The following RPS23 variants were observed in gnomAD, a reference collection of about 807,000 sequenced individuals.
The protein encoded by RPS23 is ribosomal protein S23.
For synonymous variants in RPS23, 66 were observed against 60.4 expected (o/e 1.09, Z -0.43); for missense variants, 73 against 174.5 (o/e 0.42, Z 3.28).
chr5:82,273,864 AAC>A lies in RPS23; in HGVS notation c.*2243_*2244del, dbSNP rs1437710521. On this transcript the variant is annotated 3_prime_UTR_variant, in exon 4 of 4. Transcript: ENST00000296674. The stretch of plus-strand genomic sequence containing the variant: ...AGGCATGAACCACAGCGCCCAGCTT[AAC>A]AGGATTTTTCAGAGAGAAAAAGTTT... 1 of 152,212 alleles carries A rather than the reference AAC, an allele frequency of 6.6e-6. No homozygotes were observed. Among genetic ancestry groups the A allele is most frequent in the Non-Finnish European group, 1.5e-5 (1 of 68,040 alleles). 9.4% of individuals were successfully genotyped at this position (152,212 alleles called of 1,614,324 possible).
In RPS23 at chr5:82,277,678, G is replaced by A. The variant is rs781454235; in HGVS notation, c.164+15C>T. 1 of 1,612,742 alleles carries A rather than the reference G, an allele frequency of 6.2e-7. No homozygotes were observed. The highest frequency in any genetic ancestry group is 8.5e-7 in the Non-Finnish European group (1 of 1,179,200). On this transcript the variant is annotated intron_variant, in intron 2 of 3. Coordinates refer to ENST00000296674, the MANE Select transcript of RPS23 (RefSeq NM_001025.5). ...CCTATAATAAACTAAAACTTGACGG[G>A]AGCAATGGACTTACACTTTTTCCAG... is the stretch of plus-strand genomic sequence containing the variant.
intron 1 of RPS23, 144 bp downstream of exon 1, chr5:82,278,176 G>A: frequency 1.2e-6 from 1 of 837,786 alleles, no homozygotes; most frequent in Non-Finnish European, 1.9e-6. Context: ...CGGACCACGT[G>A]CCTCCTGGAG....
rs376352816 is a variant in RPS23, at chr5:82,277,864, A to G, written c.5-12T>C. 10 of 1,610,044 alleles carry G rather than the reference A, an allele frequency of 6.2e-6. No homozygotes were observed. In the East Asian group the frequency reaches 6.7e-5, roughly 11 times the overall value. ...TCCACGACACTTGCCTAAAAATTAA[A>G]TATTTTAGTTCTTCCGTAAAAACAC... is the stretch of plus-strand genomic sequence containing the variant. On this transcript the variant is annotated splice_polypyrimidine_tract_variant and intron_variant, in intron 1 of 3. Coordinates refer to ENST00000296674, the MANE Select transcript of RPS23 (RefSeq NM_001025.5).
rs937898772 is a variant in RPS23 at position 82,273,748 on chromosome 5, T to A, written c.*2361A>T. ...GAAGGTCTCTCTCTTCCCTCAAGAGTGTATGACTTTGCTGCCCAGGATGAT... is the reference window on the plus strand; with the variant it reads ...GAAGGTCTCTCTCTTCCCTCAAGAGAGTATGACTTTGCTGCCCAGGATGAT... On this transcript the variant is annotated 3_prime_UTR_variant, in exon 4 of 4. Coordinates refer to ENST00000296674, the MANE Select transcript of RPS23 (RefSeq NM_001025.5). 2 of 151,910 alleles carry A rather than the reference T, an allele frequency of 1.3e-5. No individual in the cohort carries two copies. Among genetic ancestry groups the A allele is most frequent in the South Asian group, 4.2e-4 (2 of 4,806 alleles). The allele number at this position is 151,910 out of a possible 1,614,324, so 9.4% of individuals were successfully genotyped here.
Position 82,275,279 on chromosome 5 carries a change from C to A in RPS23, c.*830G>T, listed in dbSNP as rs1182860895. 1 of 702,522 alleles carries A rather than the reference C, an allele frequency of 1.4e-6. No homozygotes were observed. Among genetic ancestry groups the A allele is most frequent in the Non-Finnish European group, 2.6e-6 (1 of 385,014 alleles). 43.5% of individuals were successfully genotyped at this position (702,522 alleles called of 1,614,324 possible). The stretch of plus-strand genomic sequence containing the variant: ...TCACAGCTTCATTTCAACCATGCCA[C>A]TGTATCCATGAAAACTCTGAAACAA... On this transcript the variant is annotated 3_prime_UTR_variant, in exon 4 of 4. Coordinates refer to ENST00000296674, the MANE Select transcript of RPS23 (RefSeq NM_001025.5).
intron 2 of RPS23, 66 bp downstream of exon 2, chr5:82,277,627 G>T (rs1398321372): frequency 1.3e-6 from 2 of 1,499,552 alleles, no homozygotes; most frequent in South Asian, 2.3e-5. Flanking sequence ...TTCAAAACAA[G>T]AATTCGTAAG....
At position 82,277,877 on chromosome 5, in the gene RPS23, T is replaced by TC. The variant is rs755322333; in HGVS notation, c.5-26dup. On this transcript the variant is annotated intron_variant, in intron 1 of 3. Coordinates refer to ENST00000296674, the MANE Select transcript of RPS23 (RefSeq NM_001025.5). ...CCTAAAAATTAAATATTTTAGTTCTTCCGTAAAAACACGCCATCTACGTGT... is the reference window on the plus strand; with the variant it reads ...CCTAAAAATTAAATATTTTAGTTCTTCCCGTAAAAACACGCCATCTACGTGT... 1.9e-5 allele frequency: 31 copies of TC among 1,607,760 alleles called. No individual in the cohort carries two copies. The East Asian group carries it at 6.9e-4, about 36-fold the overall frequency.
intron 1 of RPS23, 28 bp from the exon 2 acceptor site, chr5:82,277,880 G>A (rs530751348): frequency 7.5e-6 from 12 of 1,600,618 alleles, no homozygotes; most frequent in Middle Eastern, 1.7e-4. Context: ...TAGTTCTTCC[G>A]TAAAAACACG....
intron 2 of RPS23, among the ~76,000 whole-genome samples, chr5:82,277,178 CAAAAAAAAA>C (rs71000896): frequency 6.1e-5 from 5 of 82,422 alleles, no homozygotes; most frequent in South Asian, 4.7e-4. Flanking sequence ...TAGACTGTCT[CAAAAAAAAA>C]AAAAAAAAAA....
At position 82,275,257 on chromosome 5, in the gene RPS23, C is replaced by A. The variant is rs756109896; in HGVS notation, c.*852G>T. On this transcript the variant is annotated 3_prime_UTR_variant, in exon 4 of 4. Transcript: ENST00000296674. ...CATCAGATTTAAAGCAGAAGGCTCA[C>A]AGCTTCATTTCAACCATGCCACTGT... 4 of 702,614 alleles carry A rather than the reference C, an allele frequency of 5.7e-6. No individual in the cohort carries two copies. The South Asian group carries it at 5.9e-5, about 10-fold the overall frequency. 43.5% of individuals were successfully genotyped at this position (702,614 alleles called of 1,614,324 possible). A position where few individuals can be genotyped will look rare whatever the true frequency, so the allele number is the denominator to read the frequency against.
chr5:82,275,965 C>G lies in RPS23; in HGVS notation c.*144G>C. On this transcript the variant is annotated 3_prime_UTR_variant, in exon 4 of 4. Transcript: ENST00000296674. Reference sequence around the variant, plus strand: ...TCTCCTAAAATTGGTACAGGTCCTGCGTTTGCTGGTTTAGGATAAAAAAAA... The same window carrying G: ...TCTCCTAAAATTGGTACAGGTCCTGGGTTTGCTGGTTTAGGATAAAAAAAA... 1.4e-6 allele frequency: 1 copy of G among 717,608 alleles called. No individual in the cohort carries two copies. The highest frequency in any genetic ancestry group is 2.3e-6 in the Non-Finnish European group (1 of 430,838). 44.5% of individuals were successfully genotyped at this position (717,608 alleles called of 1,614,324 possible). A position where few individuals can be genotyped will look rare whatever the true frequency, so the allele number is the denominator to read the frequency against.
intron 1 of RPS23, 116 bp downstream of exon 1, chr5:82,278,204 T>TC: frequency 5.3e-6 from 3 of 570,278 alleles, no homozygotes; most frequent in Non-Finnish European, 9.0e-6. Context: ...TCCCCGGCCC[T>TC]CCCCCATGGA....
At position 82,276,039 on chromosome 5, in the gene RPS23, G is replaced by A. The variant is rs117973167; in HGVS notation, c.*70C>T. 1,522 of 1,422,890 alleles carry A rather than the reference G, an allele frequency of 1.1e-3. 62 individuals are homozygous for A. The East Asian group carries it at 0.034, about 32-fold the overall frequency. The allele number at this position is 1,422,890 out of a possible 1,614,324, so 88.1% of individuals were successfully genotyped here. ...GAACATGATCTTCGTGGTGAGAACA[G>A]GGGACAGTAAGATACAAACATTTTT... is the stretch of plus-strand genomic sequence containing the variant. On this transcript the variant is annotated 3_prime_UTR_variant, in exon 4 of 4. Transcript: ENST00000296674.
Position 82,275,971 on chromosome 5 carries a change from C to T in RPS23, c.*138G>A. ...AAAATTGGTACAGGTCCTGCGTTTG[C>T]TGGTTTAGGATAAAAAAAATAAGGG... On this transcript the variant is annotated 3_prime_UTR_variant, in exon 4 of 4. Transcript: ENST00000296674. The T allele has an allele frequency of 1.3e-5, 10 of 775,322 alleles. No individual in the cohort carries two copies. Among genetic ancestry groups the T allele is most frequent in the Non-Finnish European group, 1.9e-5 (9 of 481,482 alleles). 48.0% of individuals were successfully genotyped at this position (775,322 alleles called of 1,614,324 possible).
At position 82,275,434 on chromosome 5, in the gene RPS23, A is replaced by AGG. The variant is rs1561388620; in HGVS notation, c.*674_*675insCC. On this transcript the variant is annotated 3_prime_UTR_variant, in exon 4 of 4. Transcript: ENST00000296674. ...CTTTGAAGACATGAAGGTCTCTGAC[A>AGG]ACCTCATGAGAAGATACTGAAAACA... 1.2e-5 allele frequency: 7 copies of AGG among 590,760 alleles called. No homozygotes were observed. The African/African-American group carries it at 1.5e-4, about 13-fold the overall frequency. The allele number at this position is 590,760 out of a possible 1,614,324, so 36.6% of individuals were successfully genotyped here.
rs1042285839 is a variant in RPS23 at position 82,274,048 on chromosome 5, T to C, written c.*2061A>G. ...TTTACATTTAGATATATGATCCATT[T>C]TGAGTTAAGTTTGTATTACATGTAA... On this transcript the variant is annotated 3_prime_UTR_variant, in exon 4 of 4. Transcript: ENST00000296674. 3 of 152,284 alleles carry C rather than the reference T, an allele frequency of 2.0e-5. No individual in the cohort carries two copies. The highest frequency in any genetic ancestry group is 2.0e-4 in the Admixed American group (3 of 15,310). The allele number at this position is 152,284 out of a possible 1,614,324, so 9.4% of individuals were successfully genotyped here.
chr5:82,277,833 A>G lies in RPS23; in HGVS notation c.24T>C (p.Arg8=). The G allele has an allele frequency of 6.2e-7, 1 of 1,613,690 alleles. No homozygotes were observed. Among genetic ancestry groups the G allele is most frequent in the Non-Finnish European group, 8.5e-7 (1 of 1,179,750 alleles). The part of the protein sequence containing the change: MGKCRGL[R]TARKLRSHRR... ...GGTGACTACGGAGCTTCCTAGCAGT[A>G]CGAAGTCCACGACACTTGCCTAAAA... Residue 8 remains arginine (R), a synonymous_variant, in exon 2 of 4, where the codon CGT becomes CGC. Transcript: ENST00000296674.
chr5:82,278,078 C>T, intron 1 of RPS23: 1 of 663,260 alleles, frequency 1.5e-6, no homozygotes, highest in Non-Finnish European at 2.6e-6. Context: ...AGGCCCCGCT[C>T]GAATGCCCGG....
Position 82,276,086 on chromosome 5 carries a change from T to C in RPS23, c.*23A>G. 1.2e-5 allele frequency: 19 copies of C among 1,595,960 alleles called. No homozygotes were observed. Among genetic ancestry groups the C allele is most frequent in the East Asian group, 2.2e-5 (1 of 44,770 alleles). The stretch of plus-strand genomic sequence containing the variant: ...TTTTTGGCATATGAAAATTTATTAC[T>C]ACAGTGTTTTCACCATTAATATTTA... On this transcript the variant is annotated 3_prime_UTR_variant, in exon 4 of 4. Transcript: ENST00000296674.
Sources: allele counts gnomAD v4.1 joint callset (sites outside exome capture counted in the v4.1 genomes callset), GRCh38; gene constraint gnomAD v4.1.1; transcripts MANE v1.5; gene names NCBI Gene and HGNC (gene_info 2026-07-23, HGNC 2026-07-21).